Variants in SRBD1 observed in about 807,000 individuals in gnomAD.
The protein encoded by SRBD1 is S1 RNA-binding domain-containing protein 1.
In SRBD1, 88 loss-of-function variants were observed where a neutral mutation model predicts 115.3. The observed-to-expected ratio is 0.76, with a 90% CI of 0.64 to 0.91. The LOEUF (loss-of-function observed/expected upper bound fraction) is 0.91. Ranked by LOEUF, SRBD1 falls within the 40% of genes least tolerant of loss-of-function variation. The pLI is 0.00. For missense variants in SRBD1, 1,385 were observed against 1,177.4 expected (o/e 1.18, Z -2.58); for synonymous variants, 509 against 407.7 (o/e 1.25, Z -2.99).
intron 14 of SRBD1, among the ~76,000 whole-genome samples, chr2:45,516,434 G>A (rs576632334): frequency 1.3e-5 from 2 of 152,230 alleles, no homozygotes; most frequent in South Asian, 4.1e-4. Flanking sequence ...ATGATGAGAA[G>A]CCTTTAAAAT....
At chr2:45,527,428 G>C (rs1278483631) in intron 14 of SRBD1, among the ~76,000 whole-genome samples, 1 of 151,834 alleles carries the variant, frequency 6.6e-6, no homozygotes, top group Non-Finnish European at 1.5e-5. Context: ...TCTAACCTGA[G>C]ATAAATTAGA....
chr2:45,578,045 C>T (rs1283438308), intron 7 of SRBD1, among the ~76,000 whole-genome samples: 1 of 152,006 alleles, frequency 6.6e-6, no homozygotes, highest in Non-Finnish European at 1.5e-5. Context: ...TAGGACAATC[C>T]AAAGAGATAT....
chr2:45,431,280 C>T (rs933365753), intron 16 of SRBD1, among the ~76,000 whole-genome samples: 1 of 152,140 alleles, frequency 6.6e-6, no homozygotes, highest in Non-Finnish European at 1.5e-5. Context: ...CACCATTTGA[C>T]CCAGCAATCC....
intron 9 of SRBD1, among the ~76,000 whole-genome samples, chr2:45,567,115 T>C (rs1291077434): frequency 6.6e-6 from 1 of 152,210 alleles, no homozygotes; most frequent in Admixed American, 6.5e-5. Context: ...AATTTGTGCT[T>C]CATGTTGAAA....
At chr2:45,442,680 C>T (rs763913114) in intron 16 of SRBD1, among the ~76,000 whole-genome samples, 3 of 152,146 alleles carry the variant, frequency 2.0e-5, no homozygotes, top group Non-Finnish European at 4.4e-5. Context: ...TCATTCTCAA[C>T]CCATCAAGGG....
chr2:45,501,076 A>G (rs1572707235), intron 14 of SRBD1, among the ~76,000 whole-genome samples: 1 of 152,166 alleles, frequency 6.6e-6, no homozygotes, highest in Middle Eastern at 3.4e-3. Context: ...ATTTGTTGAG[A>G]GTTTTCATCA....
At chr2:45,452,815 G>A (rs1467379030) in intron 16 of SRBD1, among the ~76,000 whole-genome samples, 2 of 151,884 alleles carry the variant, frequency 1.3e-5, no homozygotes, top group African/African-American at 2.4e-5. Context: ...TTGGTTACCA[G>A]TTGTCACCCA....
intron 9 of SRBD1, among the ~76,000 whole-genome samples, chr2:45,563,702 T>C (rs570617739): frequency 1.3e-5 from 2 of 152,022 alleles, no homozygotes; most frequent in Non-Finnish European, 2.9e-5. Flanking sequence ...ATAACTAAGA[T>C]AAAATGGACA....
At chr2:45,517,316 C>G (rs556463354) in intron 14 of SRBD1, among the ~76,000 whole-genome samples, 2 of 152,292 alleles carry the variant, frequency 1.3e-5, no homozygotes, top group South Asian at 2.1e-4. Context: ...TTACGACTAT[C>G]ACATTGCTTT....
rs1572730820 is a variant in SRBD1 at position 45,522,581 on chromosome 2, C to T, written c.1874+24151G>A. ...AAGTATATAATGCAAATACAGTTGACCCTTGAACAACATGGGTTTGAATCA... is the reference window on the plus strand; with the variant it reads ...AAGTATATAATGCAAATACAGTTGATCCTTGAACAACATGGGTTTGAATCA... On this transcript the variant is annotated intron_variant, in intron 14 of 20. Transcript: ENST00000263736. 2.0e-5 allele frequency among the ~76,000 whole-genome samples: 3 copies of T among 152,212 alleles called. 1 individual carries two copies.
At chr2:45,533,334 T>C (rs1440862263) in intron 14 of SRBD1, among the ~76,000 whole-genome samples, 3 of 152,074 alleles carry the variant, frequency 2.0e-5, no homozygotes, top group African/African-American at 7.2e-5. Flanking sequence ...AAGACTGCAC[T>C]GGACCCTATC....
At chr2:45,503,630 G>A (rs1670705905) in intron 14 of SRBD1, among the ~76,000 whole-genome samples, 1 of 152,110 alleles carries the variant, frequency 6.6e-6, no homozygotes, top group African/African-American at 2.4e-5. Flanking sequence ...AAATTAAGAG[G>A]AACCAAAGAC....
At chr2:45,441,775 T>C (rs535226922) in intron 16 of SRBD1, among the ~76,000 whole-genome samples, 75 of 152,284 alleles carry the variant, frequency 4.9e-4, no homozygotes, top group African/African-American at 1.6e-3. Context: ...CAGCACAATC[T>C]CAATTCCTAT....
intron 14 of SRBD1, 145 bp downstream of exon 14, chr2:45,546,580 ACATTATC>A: frequency 2.5e-6 from 2 of 812,858 alleles, no homozygotes; most frequent in Non-Finnish European, 3.9e-6. Flanking sequence ...CAGACACTTT[ACATTATC>A]CTGCAAAGTT....
chr2:45,557,937 G>T (rs988234255), intron 10 of SRBD1, among the ~76,000 whole-genome samples: 12 of 152,164 alleles, frequency 7.9e-5, no homozygotes, highest in African/African-American at 2.9e-4. Flanking sequence ...AAACTGAGGT[G>T]AGGGATCACA....
intron 16 of SRBD1, among the ~76,000 whole-genome samples, chr2:45,474,611 C>T (rs966354804): frequency 6.6e-6 from 1 of 152,140 alleles, no homozygotes; most frequent in Non-Finnish European, 1.5e-5. Context: ...ATACTTCAGA[C>T]CCTCTCCCTA....
chr2:45,541,834 G>C (rs1486442821), intron 14 of SRBD1, among the ~76,000 whole-genome samples: 1 of 152,254 alleles, frequency 6.6e-6, no homozygotes, highest in Admixed American at 6.5e-5. Flanking sequence ...GTCTGGCTGA[G>C]TCCAGGGTTT....
rs528480532 is a variant in SRBD1, at chr2:45,457,339, C to G, written c.2049+19654G>C. Among the ~76,000 whole-genome samples the G allele has an allele frequency of 9.5e-4, 145 of 152,002 alleles. 1 individual carries two copies. The highest frequency in any genetic ancestry group is 3.5e-3 in the African/African-American group (144 of 41,530). On this transcript the variant is annotated intron_variant, in intron 16 of 20. Coordinates refer to ENST00000263736, the MANE Select transcript of SRBD1 (RefSeq NM_018079.5). ...ACTTTTTTCCCTTGACACCCAACTA[C>G]TAAAGTGCTTTGAAAATGGATCATC... is the stretch of plus-strand genomic sequence containing the variant.
intron 2 of SRBD1, among the ~76,000 whole-genome samples, chr2:45,603,787 C>T (rs561991658): frequency 6.6e-6 from 1 of 152,280 alleles, no homozygotes; most frequent in East Asian, 1.9e-4. Context: ...GACGTGGCCT[C>T]CCAAAGCACT....
Sources: allele counts gnomAD v4.1 joint callset (sites outside exome capture counted in the v4.1 genomes callset), GRCh38; gene constraint gnomAD v4.1.1; transcripts MANE v1.5; gene names NCBI Gene and HGNC (gene_info 2026-07-23, HGNC 2026-07-21).